The following SEC63 variants were observed in gnomAD, a reference collection of about 807,000 sequenced individuals.
SEC63 encodes the protein SEC63 protein translocation regulator.
In SEC63, 56 loss-of-function variants were observed where a neutral mutation model predicts 116.2. That is an observed-to-expected ratio of 0.48 (90% confidence interval 0.39 to 0.60). SEC63 has a LOEUF of 0.60. Among genes scored for constraint, SEC63 ranks in the 20% least tolerant of loss-of-function variants. The pLI, the probability that SEC63 is intolerant of heterozygous loss-of-function variation, is 0.00. For synonymous variants in SEC63, 273 were observed against 294.6 expected, an observed-to-expected ratio of 0.93 and a Z score of 0.75; for missense variants, 668 against 900.0, an observed-to-expected ratio of 0.74 and a Z score of 3.30.
chr6:107,927,068 T>A (rs1787691888), intron 2 of SEC63, among the ~76,000 whole-genome samples: 1 of 152,128 alleles, frequency 6.6e-6, no homozygotes. Context: ...GTGTCATCTT[T>A]TTTTCTGGGT....
intron 16 of SEC63, among the ~76,000 whole-genome samples, chr6:107,886,701 ATTGT>A (rs143644432): frequency 0.87 from 131,610 of 151,736 alleles, 57,220 homozygotes; most frequent in Middle Eastern, 0.92. Context: ...TTTTGATGGA[ATTGT>A]TTGTTTTTTT....
At chr6:107,949,798 AT>A (rs1770544038) in intron 1 of SEC63, among the ~76,000 whole-genome samples, 1 of 151,810 alleles carries the variant, frequency 6.6e-6, no homozygotes, top group South Asian at 2.1e-4. Flanking sequence ...CCTGGCTAAT[AT>A]TTTTTTGTTT....
intron 1 of SEC63, chr6:107,957,357 T>A (rs991768181): frequency 6.6e-6 from 1 of 152,252 alleles, no homozygotes; most frequent in African/African-American, 2.4e-5. Flanking sequence ...CGGGAGGAAG[T>A]GACGGGGGTA....
Position 107,958,060 on chromosome 6 carries a change from C to T in SEC63, c.-51G>A, listed in dbSNP as rs561975677. The T allele has an allele frequency of 3.1e-6, 5 of 1,601,540 alleles. No homozygotes were observed. The highest frequency in any genetic ancestry group is 1.3e-5 in the African/African-American group (1 of 74,558). On this transcript the variant is annotated 5_prime_UTR_variant, in exon 1 of 21. Coordinates refer to ENST00000369002, the MANE Select transcript of SEC63 (RefSeq NM_007214.5). Reference sequence around the variant, plus strand: ...TCTCACCGCCGCCGCCACGACCACGCTCTGCACTCCCGCTCCCAACGCCCC... The same window carrying T: ...TCTCACCGCCGCCGCCACGACCACGTTCTGCACTCCCGCTCCCAACGCCCC...
chr6:107,873,965 T>G (rs1304429056), intron 19 of SEC63, among the ~76,000 whole-genome samples: 1 of 152,162 alleles, frequency 6.6e-6, no homozygotes, highest in African/African-American at 2.4e-5. Flanking sequence ...AAAAGAATCA[T>G]CAACATATGT....
Position 107,957,683 on chromosome 6 carries a change from G to A in SEC63, c.124+203C>T, listed in dbSNP as rs534944341. 4.5e-5 allele frequency: 18 copies of A among 397,808 alleles called. No individual in the cohort carries two copies. The East Asian group carries it at 8.0e-4, about 18-fold the overall frequency. The allele number at this position is 397,808 out of a possible 1,614,324, so 24.6% of individuals were successfully genotyped here. A position where few individuals can be genotyped will look rare whatever the true frequency, so the allele number is the denominator to read the frequency against. On this transcript the variant is annotated intron_variant, in intron 1 of 20. Transcript: ENST00000369002. ...AGATGGAGCGAGCGAAACTCCTGAG[G>A]ACAATGAAGGGAGGTGGAGAAGCGC...
intron 1 of SEC63, among the ~76,000 whole-genome samples, chr6:107,931,142 A>C (rs937067583): frequency 9.9e-5 from 15 of 152,202 alleles, no homozygotes; most frequent in Admixed American, 2.0e-4. Flanking sequence ...AGCCAGTTCA[A>C]GACCAGCCTG....
At chr6:107,942,993 G>C (rs1400522484) in intron 1 of SEC63, among the ~76,000 whole-genome samples, 1 of 152,160 alleles carries the variant, frequency 6.6e-6, no homozygotes, top group Non-Finnish European at 1.5e-5. Flanking sequence ...GTGGCACTCT[G>C]TATGAGTCCC....
At chr6:107,953,511 G>A (rs374573792) in intron 1 of SEC63, among the ~76,000 whole-genome samples, 2 of 145,768 alleles carry the variant, frequency 1.4e-5, no homozygotes, top group African/African-American at 5.1e-5. Context: ...CGCCCCGTCC[G>A]GGAGGGAGGT....
chr6:107,906,301 C>A lies in SEC63; in HGVS notation c.961+147G>T, dbSNP rs1327440391. On this transcript the variant is annotated intron_variant, in intron 10 of 20. Transcript: ENST00000369002. ...CTGTACAGCCATCAGAACAATGAGC[C>A]AATTAAACCTCTTTTGTTTATATAT... is the stretch of plus-strand genomic sequence containing the variant. The A allele has an allele frequency of 3.2e-6, 3 of 932,606 alleles. No homozygotes were observed. The East Asian group carries it at 7.3e-5, about 23-fold the overall frequency. 57.8% of individuals were successfully genotyped at this position (932,606 alleles called of 1,614,324 possible). A position where few individuals can be genotyped will look rare whatever the true frequency, so the allele number is the denominator to read the frequency against.
At chr6:107,911,757 A>C (rs963310943) in intron 6 of SEC63, among the ~76,000 whole-genome samples, 3 of 152,200 alleles carry the variant, frequency 2.0e-5, no homozygotes, top group African/African-American at 7.2e-5. Flanking sequence ...CCAGCAAAAC[A>C]GTTTTGTAAA....
At chr6:107,873,672 A>C (rs1311457785) in intron 19 of SEC63, among the ~76,000 whole-genome samples, 1 of 152,206 alleles carries the variant, frequency 6.6e-6, no homozygotes, top group Non-Finnish European at 1.5e-5. Context: ...AAAATAAGTA[A>C]GAAAATGGAT....
chr6:107,936,768 G>A (rs2114500064), intron 1 of SEC63, among the ~76,000 whole-genome samples: 1 of 152,322 alleles, frequency 6.6e-6, no homozygotes, highest in East Asian at 1.9e-4. Context: ...TAGTATTACT[G>A]AGTGAACTCT....
At chr6:107,902,585 A>G (rs773531106) in intron 12 of SEC63, among the ~76,000 whole-genome samples, 29 of 152,302 alleles carry the variant, frequency 1.9e-4, no homozygotes, top group Non-Finnish European at 2.9e-4. Context: ...GTAACATAAT[A>G]TAAGGAACTA....
At position 107,870,767 on chromosome 6, in the gene SEC63, C is replaced by G. The variant is rs528589123; in HGVS notation, c.*937G>C. The G allele has an allele frequency of 6.6e-6, 1 of 152,090 alleles. No individual in the cohort carries two copies. The highest frequency in any genetic ancestry group is 1.9e-4 in the East Asian group (1 of 5,200). 9.4% of individuals were successfully genotyped at this position (152,090 alleles called of 1,614,324 possible). A position where few individuals can be genotyped will look rare whatever the true frequency, so the allele number is the denominator to read the frequency against. On this transcript the variant is annotated 3_prime_UTR_variant, in exon 21 of 21. Transcript: ENST00000369002. ...AGACACACACCATTGAAACATAAAA[C>G]GAGTCAACAAACTTCTATTTTTATT... is the stretch of plus-strand genomic sequence containing the variant.
intron 16 of SEC63, among the ~76,000 whole-genome samples, chr6:107,888,765 T>A (rs572096616): frequency 6.6e-6 from 1 of 152,324 alleles, no homozygotes; most frequent in South Asian, 2.1e-4. Flanking sequence ...GTACGTTCCA[T>A]CAATGCCTAG....
rs761661609 is a variant in SEC63 at position 107,957,953 on chromosome 6, G to A, written c.57C>T (p.Leu19=). The part of the protein sequence containing the change: ...DDSGNTFFYF[L]TSFVGLIVIP... ...TCACGATGAGCCCCACGAAGGAGGTGAGGAAGTAGAAGAAGGTGTTCCCAC... is the reference window on the plus strand; with the variant it reads ...TCACGATGAGCCCCACGAAGGAGGTAAGGAAGTAGAAGAAGGTGTTCCCAC... The change falls in exon 1 of 21, where the codon CTC becomes CTT. Residue 19 remains leucine, a synonymous_variant. Coordinates refer to ENST00000369002, the MANE Select transcript of SEC63 (RefSeq NM_007214.5). 16 of 1,613,482 alleles carry A rather than the reference G, an allele frequency of 9.9e-6. No individual in the cohort carries two copies. The Admixed American group carries it at 1.0e-4, about 10-fold the overall frequency.
chr6:107,899,888 A>G (rs1038647880), intron 13 of SEC63, among the ~76,000 whole-genome samples: 7 of 152,220 alleles, frequency 4.6e-5, no homozygotes, highest in Non-Finnish European at 8.8e-5. Context: ...TCATGGCCCC[A>G]CAAGGCAACC....
At chr6:107,940,538 C>G (rs1276543770) in intron 1 of SEC63, among the ~76,000 whole-genome samples, 1 of 151,950 alleles carries the variant, frequency 6.6e-6, no homozygotes, top group Admixed American at 6.6e-5. Context: ...GAACAGCTCC[C>G]CAGTGGAGAC....
Sources: allele counts gnomAD v4.1 joint callset (sites outside exome capture counted in the v4.1 genomes callset), GRCh38; gene constraint gnomAD v4.1.1; transcripts MANE v1.5; gene names NCBI Gene and HGNC (gene_info 2026-07-23, HGNC 2026-07-21).